Variants in ZNF503 observed in about 807,000 individuals in gnomAD.
The protein encoded by ZNF503 is NocA-like zinc finger 2.
A neutral mutation model predicts 34.4 loss-of-function variants in ZNF503; 15 were observed. The observed-to-expected ratio is 0.44, with a 90% CI of 0.29 to 0.67. The LOEUF (loss-of-function observed/expected upper bound fraction) is 0.67. ZNF503 is among the 30% of genes least tolerant of loss of function. The pLI is 0.13. For missense variants in ZNF503, 1,007 were observed against 926.8 expected, an observed-to-expected ratio of 1.09 and a Z score of -1.12; for synonymous variants, 580 against 456.8, an observed-to-expected ratio of 1.27 and a Z score of -3.44.
Position 75,401,220 on chromosome 10 carries a change from C to A in ZNF503, c.200G>T (p.Arg67Leu). 1 of 1,607,236 alleles carries A rather than the reference C, an allele frequency of 6.2e-7. No individual in the cohort carries two copies. Reference protein sequence around the residue: ...VHAVPPSDPLRQANRLPIKVL... With the variant: ...VHAVPPSDPLLQANRLPIKVL... Reference sequence around the variant, plus strand: ...CTTGATTGGCAGGCGGTTGGCCTGGCGCAGGGGGTCAGAGGGGGGCACGGC... The same window carrying A: ...CTTGATTGGCAGGCGGTTGGCCTGGAGCAGGGGGTCAGAGGGGGGCACGGC... Residue 67 changes from arginine to leucine, a missense_variant, in exon 1 of 2, where the codon CGC (arginine) becomes CTC (leucine). Physicochemically the swap from Arg to Leu is moderately radical, Grantham distance 102 (BLOSUM62 -2). Coordinates refer to ENST00000372524, the MANE Select transcript of ZNF503 (RefSeq NM_032772.6).
At position 75,401,292 on chromosome 10, in the gene ZNF503, G is replaced by C. The variant is rs1181390889; in HGVS notation, c.128C>G (p.Pro43Arg). Residue 43 changes from proline to arginine, a missense_variant, in exon 1 of 2, where the codon CCC becomes CGC. Physicochemically the swap from Pro to Arg is moderately radical, Grantham distance 103. Coordinates refer to ENST00000372524, the MANE Select transcript of ZNF503 (RefSeq NM_032772.6). ...GCCGGCCGGGGACGAGCCTGGGCCG[G>C]GGCCGGAGCTATTTCCAGAGAGCGC... Reference protein sequence around the residue: ...TSALSGNSSGPGPGSSPAGST... With the variant: ...TSALSGNSSGRGPGSSPAGST... 1 of 1,568,082 alleles carries C rather than the reference G, an allele frequency of 6.4e-7. No homozygotes were observed. Among genetic ancestry groups the C allele is most frequent in the African/African-American group, 1.4e-5 (1 of 73,944 alleles).
chr10:75,388,552 C>T, the ZNF503 span, among the ~76,000 whole-genome samples: 1 of 152,206 alleles, frequency 6.6e-6, no homozygotes, highest in African/African-American at 2.4e-5. Flanking sequence ...GAATAATAGA[C>T]CCTGGAGCCT....
the ZNF503 span, among the ~76,000 whole-genome samples, chr10:75,367,448 G>A: frequency 1.3e-5 from 2 of 152,196 alleles, no homozygotes; most frequent in Non-Finnish European, 1.5e-5. Context: ...TGGCGTTTGT[G>A]GCTGCTGCAG....
At chr10:75,368,244 C>A in the ZNF503 span, among the ~76,000 whole-genome samples, 1 of 152,078 alleles carries the variant, frequency 6.6e-6, no homozygotes, top group Admixed American at 6.5e-5. Flanking sequence ...GTGGTATGCC[C>A]CAAAAGCATT....
the ZNF503 span, among the ~76,000 whole-genome samples, chr10:75,352,391 TG>T: frequency 3.8e-5 from 5 of 132,230 alleles, no homozygotes; most frequent in Non-Finnish European, 8.9e-5. Flanking sequence ...CCTAGCCTGT[TG>T]GGAAGGGCCT....
At chr10:75,302,531 G>A in the ZNF503 span, among the ~76,000 whole-genome samples, 2 of 152,154 alleles carry the variant, frequency 1.3e-5, no homozygotes, top group African/African-American at 4.8e-5. Flanking sequence ...CTCTGCACAT[G>A]TGCACAGGCT....
the ZNF503 span, among the ~76,000 whole-genome samples, chr10:75,362,942 C>T: frequency 3.9e-5 from 6 of 152,144 alleles, no homozygotes; most frequent in Admixed American, 1.3e-4. Flanking sequence ...ACTTCTACCC[C>T]CACCCCAGCC....
At chr10:75,374,333 AC>A in the ZNF503 span, among the ~76,000 whole-genome samples, 1 of 152,096 alleles carries the variant, frequency 6.6e-6, no homozygotes, top group East Asian at 1.9e-4. Context: ...CAAACAAAAA[AC>A]AAAGTAAGTC....
At chr10:75,354,384 G>C in the ZNF503 span, among the ~76,000 whole-genome samples, 3 of 152,188 alleles carry the variant, frequency 2.0e-5, no homozygotes, top group East Asian at 5.8e-4. Flanking sequence ...ACTGACAAAA[G>C]AATAGAAAGC....
the ZNF503 span, among the ~76,000 whole-genome samples, chr10:75,392,809 C>A: frequency 5.3e-5 from 8 of 152,174 alleles, no homozygotes; most frequent in African/African-American, 1.9e-4. Context: ...AAGAAAGAAA[C>A]AAACTTGTCT....
chr10:75,308,460 A>G, the ZNF503 span, among the ~76,000 whole-genome samples: 1 of 152,222 alleles, frequency 6.6e-6, no homozygotes, highest in Admixed American at 6.5e-5. Flanking sequence ...GAGCAATTTC[A>G]ACTTTCAAGT....
the ZNF503 span, among the ~76,000 whole-genome samples, chr10:75,344,769 T>C: frequency 6.6e-6 from 1 of 152,256 alleles, no homozygotes; most frequent in African/African-American, 2.4e-5. Flanking sequence ...AAATTCTGGT[T>C]GGTGCCAGCG....
the ZNF503 span, among the ~76,000 whole-genome samples, chr10:75,392,514 A>G: frequency 6.6e-6 from 1 of 152,142 alleles, no homozygotes; most frequent in African/African-American, 2.4e-5. Flanking sequence ...GAAAGGGAAA[A>G]AGGAAGGCAT....
chr10:75,286,092 G>A, the ZNF503 span, among the ~76,000 whole-genome samples: 44 of 152,158 alleles, frequency 2.9e-4, no homozygotes, highest in South Asian at 1.9e-3. Context: ...AGACCAGCCC[G>A]GCCAACATGG....
chr10:75,377,205 A>G, the ZNF503 span, among the ~76,000 whole-genome samples: 1 of 152,186 alleles, frequency 6.6e-6, no homozygotes, highest in East Asian at 1.9e-4. Flanking sequence ...AACTCAGACT[A>G]CGCAGCTCCA....
At chr10:75,281,775 T>C in the ZNF503 span, among the ~76,000 whole-genome samples, 3 of 152,294 alleles carry the variant, frequency 2.0e-5, no homozygotes, top group East Asian at 5.8e-4. Flanking sequence ...GTCACCCCTG[T>C]CCACTCACAC....
Position 75,400,206 on chromosome 10 carries a change from G to A in ZNF503, c.484C>T (p.Leu162=). Residue 162 remains leucine, a synonymous_variant, in exon 2 of 2, where the codon CTG becomes TTG. Coordinates refer to ENST00000372524, the MANE Select transcript of ZNF503 (RefSeq NM_032772.6). ...AGDKDTKSGP[L]KLSDIGVEDK... ...TCCACGCCGATGTCGCTCAGCTTCA[G>A]GGGGCCCGATTTGGTGTCCTTGTCG... is the stretch of plus-strand genomic sequence containing the variant. 1 of 1,602,014 alleles carries A rather than the reference G, an allele frequency of 6.2e-7. No homozygotes were observed. The highest frequency in any genetic ancestry group is 8.5e-7 in the Non-Finnish European group (1 of 1,175,586).
the ZNF503 span, among the ~76,000 whole-genome samples, chr10:75,367,490 C>T: frequency 2.0e-5 from 3 of 152,140 alleles, no homozygotes; most frequent in South Asian, 2.1e-4. Flanking sequence ...CATACATCAT[C>T]GTGTCATTTT....
At chr10:75,378,706 T>C in the ZNF503 span, among the ~76,000 whole-genome samples, 3 of 152,076 alleles carry the variant, frequency 2.0e-5, no homozygotes, top group South Asian at 2.1e-4. Flanking sequence ...GATAAATAAA[T>C]ACATTTGGAG....
Sources: gnomAD v4.1 joint callset for allele counts (sites outside exome capture counted in the v4.1 genomes callset) on GRCh38, gnomAD v4.1.1 for gene constraint, MANE v1.5 for transcripts, NCBI Gene and HGNC (gene_info 2026-07-23, HGNC 2026-07-21) for gene names.